Variants in MAP3K20 observed in about 807,000 individuals in gnomAD.
MAP3K20 encodes the protein HCCS-4.
MAP3K20 carries 40 observed loss-of-function variants against 85.7 expected under a neutral mutation model. The observed-to-expected ratio is 0.47, with a 90% confidence interval of 0.36 to 0.61. The LOEUF is 0.61. Among genes scored for constraint, MAP3K20 ranks in the 20% least tolerant of loss-of-function variants. The probability of loss-of-function intolerance (pLI) is 0.00; values close to 1 mark genes in which losing one functional copy is unlikely to be tolerated. For synonymous variants in MAP3K20, 325 were observed against 327.7 expected, an observed-to-expected ratio of 0.99 and a Z score of 0.09; for missense variants, 817 against 961.7, an observed-to-expected ratio of 0.85 and a Z score of 1.99.
chr2:173,128,927 T>TTC (rs1451478782), intron 2 of MAP3K20, among the ~76,000 whole-genome samples: 2 of 147,402 alleles, frequency 1.4e-5, no homozygotes, highest in Admixed American at 6.7e-5. Context: ...TTTTCTTTTT[T>TTC]TTTTTTTTTT....
rs1391294807 is a variant in MAP3K20, at chr2:173,182,973, A to G, written c.349+18A>G. 6.3e-7 allele frequency: 1 copy of G among 1,578,342 alleles called. No individual in the cohort carries two copies. The highest frequency in any genetic ancestry group is 8.6e-7 in the Non-Finnish European group (1 of 1,156,246). ...AGCCAAAGGTAATAATATTTGGTAT[A>G]TTCTTATAGAATTAGTGGGGTGCAT... On this transcript the variant is annotated intron_variant, in intron 4 of 19. Transcript: ENST00000375213.
chr2:173,094,078 G>A (rs547882734), intron 2 of MAP3K20, among the ~76,000 whole-genome samples: 15 of 151,860 alleles, frequency 9.9e-5, no homozygotes, highest in Admixed American at 2.6e-4. Flanking sequence ...AGCATGGCAC[G>A]TGTATACATA....
rs114812522 is a variant in MAP3K20, at chr2:173,180,452, C to T, written c.248-2402C>T. ...CTGTAGAAGGCTGAGGTGAGAGGAT[C>T]GCTTGAGCCCAGGAGTTCAAGACCA... On this transcript the variant is annotated intron_variant, in intron 3 of 19. Coordinates refer to ENST00000375213, the MANE Select transcript of MAP3K20 (RefSeq NM_016653.3). Among the ~76,000 whole-genome samples, 674 of 152,218 alleles carry T rather than the reference C, an allele frequency of 4.4e-3. 8 individuals are homozygous for T. Among genetic ancestry groups the T allele is most frequent in the Admixed American group, 0.028 (434 of 15,286 alleles).
chr2:173,181,741 T>G (rs1338632532), intron 3 of MAP3K20, among the ~76,000 whole-genome samples: 1 of 152,126 alleles, frequency 6.6e-6, no homozygotes, highest in Non-Finnish European at 1.5e-5. Flanking sequence ...GCTTACCACT[T>G]GAGTGAACTT....
At chr2:173,076,235 G>T (rs1469750542) in intron 1 of MAP3K20, among the ~76,000 whole-genome samples, 1 of 151,828 alleles carries the variant, frequency 6.6e-6, no homozygotes, top group Non-Finnish European at 1.5e-5. Context: ...GGAAGTCCTC[G>T]CGGGACCTTG....
At chr2:173,119,096 C>G (rs1201698923) in intron 2 of MAP3K20, among the ~76,000 whole-genome samples, 1 of 152,164 alleles carries the variant, frequency 6.6e-6, no homozygotes, top group Non-Finnish European at 1.5e-5. Context: ...GACTAGCAAA[C>G]ATAGGGAACA....
chr2:173,256,735 C>G (rs1027446124), intron 16 of MAP3K20, among the ~76,000 whole-genome samples: 1 of 152,234 alleles, frequency 6.6e-6, no homozygotes, highest in African/African-American at 2.4e-5. Flanking sequence ...TGGCTTATCA[C>G]ATATACTTGG....
At chr2:173,081,056 T>C (rs953054212) in intron 1 of MAP3K20, among the ~76,000 whole-genome samples, 5 of 152,232 alleles carry the variant, frequency 3.3e-5, no homozygotes, top group Admixed American at 1.3e-4. Flanking sequence ...GATACCCCAA[T>C]GCAAGCAAGT....
chr2:173,206,026 A>C (rs969202606), intron 9 of MAP3K20, among the ~76,000 whole-genome samples: 1 of 152,226 alleles, frequency 6.6e-6, no homozygotes, highest in Non-Finnish European at 1.5e-5. Flanking sequence ...CCTTCTTACT[A>C]GTTATATGTC....
intron 11 of MAP3K20, chr2:173,225,071 T>C: frequency 5.1e-6 from 5 of 985,288 alleles, no homozygotes; most frequent in African/African-American, 1.7e-5. Context: ...CAACTGAAAA[T>C]GTCTCACCTT....
At chr2:173,204,252 CTA>C (rs1466425125) in intron 9 of MAP3K20, among the ~76,000 whole-genome samples, 1 of 152,206 alleles carries the variant, frequency 6.6e-6, no homozygotes, top group Non-Finnish European at 1.5e-5. Flanking sequence ...CAGAATATCT[CTA>C]TGAAATAGAT....
intron 11 of MAP3K20, chr2:173,227,291 T>C (rs1026183713): frequency 5.4e-5 from 19 of 349,756 alleles, no homozygotes; most frequent in African/African-American, 4.0e-4. Context: ...AATAAATTTG[T>C]AAAGTGATGG....
intron 2 of MAP3K20, among the ~76,000 whole-genome samples, chr2:173,123,128 A>G (rs959240090): frequency 2.6e-5 from 4 of 152,192 alleles, no homozygotes; most frequent in African/African-American, 4.8e-5. Flanking sequence ...TCCATCCTCC[A>G]TATCATGCCA....
chr2:173,137,037 T>G (rs1688817299), intron 2 of MAP3K20, among the ~76,000 whole-genome samples: 2 of 152,204 alleles, frequency 1.3e-5, no homozygotes, highest in African/African-American at 4.8e-5. Flanking sequence ...GCGATGAAAA[T>G]TTTTGGAAGA....
At chr2:173,116,930 C>T (rs1245244543) in intron 2 of MAP3K20, among the ~76,000 whole-genome samples, 1 of 152,172 alleles carries the variant, frequency 6.6e-6, no homozygotes, top group Non-Finnish European at 1.5e-5. Flanking sequence ...ATCCAGATTC[C>T]TAGCTCCTTT....
chr2:173,253,650 G>A (rs1309204315), intron 16 of MAP3K20, among the ~76,000 whole-genome samples: 1 of 152,178 alleles, frequency 6.6e-6, no homozygotes, highest in Non-Finnish European at 1.5e-5. Flanking sequence ...AGTTCCCATA[G>A]GACCTCAGAA....
chr2:173,148,475 T>C lies in MAP3K20; in HGVS notation c.160-21330T>C, dbSNP rs367835167. 5.2e-4 allele frequency among the ~76,000 whole-genome samples: 79 copies of C among 152,304 alleles called. 1 individual carries two copies. The South Asian group carries it at 8.9e-3, about 17-fold the overall frequency. ...TTATTCCACTATCTCCTGATATCCT[T>C]AGGATGAGTGGTGTGAGTAGAATGG... On this transcript the variant is annotated intron_variant, in intron 2 of 19. Coordinates refer to ENST00000375213, the MANE Select transcript of MAP3K20 (RefSeq NM_016653.3).
rs551563626 is a variant in MAP3K20, at chr2:173,236,499, G to T, written c.1204-1874G>T. 3.0e-4 allele frequency among the ~76,000 whole-genome samples: 45 copies of T among 152,176 alleles called. 1 individual carries two copies. In the South Asian group the frequency reaches 7.1e-3, roughly 24 times the overall value. On this transcript the variant is annotated intron_variant, in intron 14 of 19. Coordinates refer to ENST00000375213, the MANE Select transcript of MAP3K20 (RefSeq NM_016653.3). ...AAGGAGTAGCCTGCATCTGTTGGGG[G>T]ACCTAACACTGCCCTCAAACTCCTG... is the stretch of plus-strand genomic sequence containing the variant.
chr2:173,253,073 G>A (rs1018276732), intron 16 of MAP3K20, among the ~76,000 whole-genome samples: 1 of 151,962 alleles, frequency 6.6e-6, no homozygotes, highest in African/African-American at 2.4e-5. Context: ...CCCCCTGCAC[G>A]CCCAGACTCC....
Sources: gnomAD v4.1 joint callset for allele counts (sites outside exome capture counted in the v4.1 genomes callset) on GRCh38, gnomAD v4.1.1 for gene constraint, MANE v1.5 for transcripts, NCBI Gene and HGNC (gene_info 2026-07-23, HGNC 2026-07-21) for gene names.